The following DIP2B variants were observed in gnomAD, a reference collection of about 807,000 sequenced individuals.
DIP2B encodes disco-interacting protein 2 homolog B.
In DIP2B, 76 loss-of-function variants were observed where a neutral mutation model predicts 198.0. That is an observed-to-expected ratio of 0.38 (90% CI 0.32 to 0.46). The LOEUF (loss-of-function observed/expected upper bound fraction) is 0.46. DIP2B is among the 20% of genes least tolerant of loss of function. The probability of loss-of-function intolerance (pLI) is 0.99; values close to 1 mark genes in which losing one functional copy is unlikely to be tolerated. For synonymous variants in DIP2B, 701 were observed against 739.1 expected (o/e 0.95, Z 0.84); for missense variants, 1,559 against 1,978.4 (o/e 0.79, Z 4.02).
At chr12:50,636,867 C>G (rs544932036) in intron 2 of DIP2B, among the ~76,000 whole-genome samples, 1 of 152,320 alleles carries the variant, frequency 6.6e-6, no homozygotes, top group Non-Finnish European at 1.5e-5. Context: ...CTTTACAGAC[C>G]TGGAGCTCCC....
intron 37 of DIP2B, among the ~76,000 whole-genome samples, chr12:50,742,414 AAAAAAAAACC>A (rs1940265601): frequency 3.5e-5 from 3 of 86,422 alleles, no homozygotes; most frequent in Non-Finnish European, 6.7e-5. Flanking sequence ...AAAAAAAAAA[AAAAAAAAACC>A]ACCTCTGTAG....
chr12:50,611,714 C>T (rs775617805), intron 1 of DIP2B, among the ~76,000 whole-genome samples: 2 of 152,082 alleles, frequency 1.3e-5, no homozygotes, highest in Non-Finnish European at 2.9e-5. Context: ...CCTGAACTTC[C>T]ACCACCACCA....
intron 1 of DIP2B, among the ~76,000 whole-genome samples, chr12:50,616,925 G>C (rs1291866707): frequency 6.6e-6 from 1 of 152,054 alleles, no homozygotes; most frequent in African/African-American, 2.4e-5. Flanking sequence ...CACATTCTCA[G>C]CTATATTTTT....
At chr12:50,692,785 C>T (rs1013820525) in intron 13 of DIP2B, among the ~76,000 whole-genome samples, 164 bp from the exon 14 acceptor site, 3 of 151,990 alleles carry the variant, frequency 2.0e-5, no homozygotes, top group African/African-American at 4.8e-5. Flanking sequence ...TGCAGTGAGC[C>T]GAGATTGCAT....
chr12:50,701,200 G>A (rs1939410948), intron 19 of DIP2B, among the ~76,000 whole-genome samples: 2 of 152,232 alleles, frequency 1.3e-5, no homozygotes, highest in South Asian at 4.1e-4. Context: ...TAGTGATAGT[G>A]AAGTAGAATA....
chr12:50,609,817 TG>T, intron 1 of DIP2B, among the ~76,000 whole-genome samples: 1 of 152,326 alleles, frequency 6.6e-6, no homozygotes, highest in Middle Eastern at 3.4e-3. Flanking sequence ...TGCTTGTGGT[TG>T]TCTTTTTTTC....
chr12:50,662,168 A>G (rs1013642871), intron 4 of DIP2B, among the ~76,000 whole-genome samples: 3 of 152,222 alleles, frequency 2.0e-5, no homozygotes, highest in Non-Finnish European at 4.4e-5. Flanking sequence ...GATTCCAAAG[A>G]TACAATCCTT....
At chr12:50,648,555 G>A (rs1350612540) in intron 3 of DIP2B, among the ~76,000 whole-genome samples, 1 of 151,844 alleles carries the variant, frequency 6.6e-6, no homozygotes, top group African/African-American at 2.4e-5. Flanking sequence ...AGTAGAGACG[G>A]GTTTTCACTG....
intron 1 of DIP2B, among the ~76,000 whole-genome samples, chr12:50,540,829 G>A (rs575588495): frequency 2.0e-5 from 3 of 151,922 alleles, no homozygotes; most frequent in South Asian, 2.1e-4. Flanking sequence ...GAGCCACCGC[G>A]CCCAGCCAGC....
intron 33 of DIP2B, among the ~76,000 whole-genome samples, chr12:50,734,631 G>A (rs4388959): frequency 0.6 from 90,607 of 151,894 alleles, 27,910 homozygotes; most frequent in Non-Finnish European, 0.69. Context: ...GGCAGTGAGC[G>A]CTGGCCCAGG....
rs1938911843 is a variant in DIP2B, at chr12:50,674,561, C to T, written c.728C>T (p.Pro243Leu). 3 of 1,614,222 alleles carry T rather than the reference C, an allele frequency of 1.9e-6. No homozygotes were observed. Among genetic ancestry groups the T allele is most frequent in the Non-Finnish European group, 1.7e-6 (2 of 1,180,044 alleles). Residue 243 changes from proline to leucine, a missense_variant, in exon 6 of 38, where the codon CCC becomes CTC. Transcript: ENST00000301180. The stretch of plus-strand genomic sequence containing the variant: ...ATTCGCCCAGCAAACATTGACCTGC[C>T]CCCCTCGGGGATAGTTAAAGGCATG... Reference protein sequence around the residue: ...SSIRPANIDLPPSGIVKGMHK... With the variant: ...SSIRPANIDLLPSGIVKGMHK...
chr12:50,710,283 T>C (rs1199351942), intron 22 of DIP2B, among the ~76,000 whole-genome samples: 1 of 152,228 alleles, frequency 6.6e-6, no homozygotes, highest in Admixed American at 6.5e-5. Context: ...CTGTCCTTGC[T>C]GTACTTAGGT....
intron 1 of DIP2B, among the ~76,000 whole-genome samples, chr12:50,542,248 CAAAAAAAAAAAA>C (rs35430997): frequency 1.9e-5 from 1 of 51,300 alleles, no homozygotes; most frequent in Admixed American, 2.0e-4. Context: ...GACTCCGTCT[CAAAAAAAAAAAA>C]AAAAAGAAAA....
At chr12:50,525,865 C>G (rs1376939107) in intron 1 of DIP2B, among the ~76,000 whole-genome samples, 1 of 152,126 alleles carries the variant, frequency 6.6e-6, no homozygotes, top group African/African-American at 2.4e-5. Flanking sequence ...TCTGCTCCAA[C>G]TTAGTCTCAG....
At chr12:50,538,252 CAGAG>C (rs907202986) in intron 1 of DIP2B, among the ~76,000 whole-genome samples, 1 of 151,982 alleles carries the variant, frequency 6.6e-6, no homozygotes, top group African/African-American at 2.4e-5. Context: ...AATTCCACCT[CAGAG>C]GGAGGTTGGT....
At chr12:50,584,403 C>T (rs1213013229) in intron 1 of DIP2B, among the ~76,000 whole-genome samples, 1 of 151,964 alleles carries the variant, frequency 6.6e-6, no homozygotes, top group African/African-American at 2.4e-5. Context: ...AATGCATTCA[C>T]TTCTCTCCGT....
At chr12:50,634,594 A>G (rs1338152462) in intron 2 of DIP2B, among the ~76,000 whole-genome samples, 1 of 152,180 alleles carries the variant, frequency 6.6e-6, no homozygotes, top group Non-Finnish European at 1.5e-5. Flanking sequence ...GGGTTTGTTC[A>G]ATTAGGGAAG....
At chr12:50,556,621 C>T (rs1433652641) in intron 1 of DIP2B, among the ~76,000 whole-genome samples, 1 of 149,544 alleles carries the variant, frequency 6.7e-6, no homozygotes, top group Non-Finnish European at 1.5e-5. Flanking sequence ...TGGCTCACTG[C>T]AATCTCTGCC....
At chr12:50,719,429 A>G (rs772723458) in intron 25 of DIP2B, among the ~76,000 whole-genome samples, 2 of 152,132 alleles carry the variant, frequency 1.3e-5, no homozygotes, top group Non-Finnish European at 2.9e-5. Context: ...CATTTTAAAA[A>G]CCCTAAGTTA....
Sources: allele counts gnomAD v4.1 joint callset (sites outside exome capture counted in the v4.1 genomes callset), GRCh38; gene constraint gnomAD v4.1.1; transcripts MANE v1.5; gene names NCBI Gene and HGNC (gene_info 2026-07-23, HGNC 2026-07-21).